The following ATP8A2 variants were observed in gnomAD, a reference collection of about 807,000 sequenced individuals.
The protein encoded by ATP8A2 is ATPase phospholipid transporting 8A2.
In ATP8A2, 100 loss-of-function variants were observed where a neutral mutation model predicts 165.6. The observed-to-expected ratio is 0.60, with a 90% confidence interval of 0.51 to 0.71. The LOEUF is 0.71. Among genes scored for constraint, ATP8A2 ranks in the 30% least tolerant of loss-of-function variants. ATP8A2 has a pLI of 0.00. For synonymous variants in ATP8A2, 543 were observed against 548.8 expected, an observed-to-expected ratio of 0.99 and a Z score of 0.15; for missense variants, 1,227 against 1,479.5, an observed-to-expected ratio of 0.83 and a Z score of 2.80.
chr13:25,748,666 G>A (rs1566101377), intron 25 of ATP8A2, among the ~76,000 whole-genome samples: 1 of 152,072 alleles, frequency 6.6e-6, no homozygotes, highest in Non-Finnish European at 1.5e-5. Context: ...GCATTAGCAT[G>A]GGTTTAGATG....
At chr13:25,740,412 G>A (rs182668914) in intron 25 of ATP8A2, among the ~76,000 whole-genome samples, 1 of 152,162 alleles carries the variant, frequency 6.6e-6, no homozygotes, top group East Asian at 1.9e-4. Context: ...TAAGAGATAA[G>A]GAGATGGTAA....
chr13:25,850,348 C>T (rs928821706), intron 30 of ATP8A2, among the ~76,000 whole-genome samples: 2 of 152,160 alleles, frequency 1.3e-5, no homozygotes, highest in Admixed American at 6.5e-5. Context: ...GGAGCCTATA[C>T]ATTTGACCCC....
intron 24 of ATP8A2, among the ~76,000 whole-genome samples, chr13:25,682,123 C>T (rs12871607): frequency 0.36 from 54,894 of 151,974 alleles, 10,788 homozygotes; most frequent in Middle Eastern, 0.46. Context: ...CCAAAAACCC[C>T]GTGATCACCA....
chr13:25,383,966 A>C (rs939879721), intron 1 of ATP8A2, among the ~76,000 whole-genome samples: 1 of 152,148 alleles, frequency 6.6e-6, no homozygotes, highest in Non-Finnish European at 1.5e-5. Flanking sequence ...CTTGGGTTTT[A>C]TTCCCGTTGC....
chr13:25,905,373 G>T (rs1249584262), intron 33 of ATP8A2, among the ~76,000 whole-genome samples: 1 of 151,942 alleles, frequency 6.6e-6, no homozygotes, highest in Admixed American at 6.6e-5. Flanking sequence ...CTTCTTAACG[G>T]ACACTGATTC....
intron 27 of ATP8A2, among the ~76,000 whole-genome samples, chr13:25,793,286 A>T (rs1255232302): frequency 6.6e-6 from 1 of 152,168 alleles, no homozygotes; most frequent in African/African-American, 2.4e-5. Context: ...GCTCTGGAGA[A>T]TGCCTGATTC....
chr13:25,450,778 A>G lies in ATP8A2; in HGVS notation c.77-18199A>G, dbSNP rs556061281. Reference sequence around the variant, plus strand: ...AATCTCCTGACCTCGTAATCTGCCCACCTCGGCCTCCCAAAGTGCTAGGAT... The same window carrying G: ...AATCTCCTGACCTCGTAATCTGCCCGCCTCGGCCTCCCAAAGTGCTAGGAT... On this transcript the variant is annotated intron_variant, in intron 1 of 36. Coordinates refer to ENST00000381655, the MANE Select transcript of ATP8A2 (RefSeq NM_016529.6). Among the ~76,000 whole-genome samples the G allele has an allele frequency of 3.8e-3, 583 of 151,842 alleles. 6 individuals are homozygous for G. The East Asian group carries it at 0.04, about 10-fold the overall frequency.
chr13:25,927,731 G>A (rs7317818), intron 33 of ATP8A2, among the ~76,000 whole-genome samples: 68,258 of 152,092 alleles, frequency 0.45, 17,120 homozygotes, highest in East Asian at 0.71. Flanking sequence ...TGAATTTTTC[G>A]TAGATGTTCA....
At chr13:25,769,341 G>T in intron 26 of ATP8A2, 112 bp downstream of exon 26, 1 of 1,082,056 alleles carries the variant, frequency 9.2e-7, no homozygotes, top group East Asian at 2.5e-5. Flanking sequence ...CCCCTCTTGA[G>T]GTTGCTGTCT....
chr13:25,504,383 T>G (rs1185649867), intron 2 of ATP8A2, among the ~76,000 whole-genome samples: 2 of 151,964 alleles, frequency 1.3e-5, no homozygotes, highest in Non-Finnish European at 2.9e-5. Flanking sequence ...GGTTAGAAGA[T>G]TATTTATTGA....
At chr13:25,524,741 G>A (rs2037781216) in intron 2 of ATP8A2, among the ~76,000 whole-genome samples, 2 of 152,082 alleles carry the variant, frequency 1.3e-5, no homozygotes, top group South Asian at 2.1e-4. Context: ...CTTGTAGGCA[G>A]CATATAGCTG....
At chr13:25,587,346 T>G (rs2039951361) in intron 23 of ATP8A2, among the ~76,000 whole-genome samples, 1 of 152,138 alleles carries the variant, frequency 6.6e-6, no homozygotes, top group African/African-American at 2.4e-5. Flanking sequence ...ACAAAACCCT[T>G]AACCTGTTTC....
At chr13:25,807,154 GTTT>G (rs55690312) in intron 27 of ATP8A2, among the ~76,000 whole-genome samples, 15 of 145,922 alleles carry the variant, frequency 1.0e-4, no homozygotes, top group East Asian at 2.0e-4. Flanking sequence ...TCTTTATAGT[GTTT>G]TTTTTTTTTT....
At chr13:25,753,265 G>A (rs1040984523) in intron 25 of ATP8A2, among the ~76,000 whole-genome samples, 1 of 152,208 alleles carries the variant, frequency 6.6e-6, no homozygotes, top group Admixed American at 6.5e-5. Flanking sequence ...CACTTACAGG[G>A]TGTGGTTCCA....
intron 1 of ATP8A2, among the ~76,000 whole-genome samples, chr13:25,383,449 T>G (rs7337372): frequency 0.034 from 5,185 of 152,286 alleles, 285 homozygotes; most frequent in African/African-American, 0.12. Context: ...AAGAGTTCTT[T>G]GTATATTTTG....
At chr13:25,824,397 T>C (rs1405067193) in intron 27 of ATP8A2, among the ~76,000 whole-genome samples, 1 of 152,218 alleles carries the variant, frequency 6.6e-6, no homozygotes. Flanking sequence ...GCAAAGAAAA[T>C]TCACTTTTTC....
In ATP8A2 at chr13:25,393,668, G is replaced by A. The variant is rs559000650; in HGVS notation, c.76+21380G>A. On this transcript the variant is annotated intron_variant, in intron 1 of 36. Coordinates refer to ENST00000381655, the MANE Select transcript of ATP8A2 (RefSeq NM_016529.6). Reference sequence around the variant, plus strand: ...TGACCTCAGGTGATCTGCCTGCCTCGGCCTCCTAAAGTGCTGGGATTACAG... The same window carrying A: ...TGACCTCAGGTGATCTGCCTGCCTCAGCCTCCTAAAGTGCTGGGATTACAG... 4.6e-5 allele frequency among the ~76,000 whole-genome samples: 7 copies of A among 152,206 alleles called. No individual in the cohort carries two copies. In the South Asian group the frequency reaches 6.2e-4, roughly 14 times the overall value.
At chr13:25,436,949 G>C (rs2034796642) in intron 1 of ATP8A2, among the ~76,000 whole-genome samples, 1 of 151,876 alleles carries the variant, frequency 6.6e-6, no homozygotes, top group South Asian at 2.1e-4. Flanking sequence ...GCTAATTTTT[G>C]TATTTTTTGT....
intron 24 of ATP8A2, among the ~76,000 whole-genome samples, chr13:25,680,841 G>A (rs1187097222): frequency 1.3e-5 from 2 of 152,272 alleles, no homozygotes; most frequent in East Asian, 3.9e-4. Flanking sequence ...TTTGGGTTTA[G>A]GTTGTACTTG....
Sources: gnomAD v4.1 joint callset for allele counts (sites outside exome capture counted in the v4.1 genomes callset) on GRCh38, gnomAD v4.1.1 for gene constraint, MANE v1.5 for transcripts, NCBI Gene and HGNC (gene_info 2026-07-23, HGNC 2026-07-21) for gene names.